GPC6: variants seen among roughly 807,000 people sequenced by gnomAD.
GPC6 encodes the protein glypican 6.
In GPC6, 14 loss-of-function variants were observed where a neutral mutation model predicts 55.2. The observed-to-expected ratio is 0.25, with a 90% CI of 0.17 to 0.40. The LOEUF (loss-of-function observed/expected upper bound fraction) is 0.40. GPC6 is among the 10% of genes least tolerant of loss of function. The pLI is 1.00. For synonymous variants in GPC6, 278 were observed against 259.6 expected (o/e 1.07, Z -0.68); for missense variants, 641 against 708.5 (o/e 0.90, Z 1.08).
At chr13:94,254,077 G>C (rs1162093089) in intron 4 of GPC6, among the ~76,000 whole-genome samples, 2 of 152,046 alleles carry the variant, frequency 1.3e-5, no homozygotes, top group African/African-American at 4.8e-5. Context: ...TGTTTACAAA[G>C]AAATAAAGAA....
intron 2 of GPC6, among the ~76,000 whole-genome samples, chr13:93,681,654 C>A (rs992696468): frequency 6.6e-5 from 10 of 152,080 alleles, no homozygotes; most frequent in Admixed American, 2.6e-4. Flanking sequence ...GGTTATTTAT[C>A]ATAGCAATTT....
intron 1 of GPC6, among the ~76,000 whole-genome samples, chr13:93,302,621 A>G (rs1215840325): frequency 1.3e-5 from 2 of 152,240 alleles, no homozygotes; most frequent in Non-Finnish European, 2.9e-5. Flanking sequence ...ACCAGGAAAC[A>G]TACATGATTG....
chr13:93,591,320 C>T (rs571492081), intron 2 of GPC6, among the ~76,000 whole-genome samples: 50 of 152,000 alleles, frequency 3.3e-4, no homozygotes, highest in Admixed American at 1.0e-3. Context: ...AAAAATTAGC[C>T]GGGCATGGTG....
intron 3 of GPC6, among the ~76,000 whole-genome samples, chr13:93,878,916 T>C (rs1182095249): frequency 6.6e-6 from 1 of 152,020 alleles, no homozygotes; most frequent in African/African-American, 2.4e-5. Context: ...TAAAGATATA[T>C]TTAGAAGAGC....
chr13:93,420,422 G>C (rs1399620116), intron 1 of GPC6, among the ~76,000 whole-genome samples: 1 of 152,102 alleles, frequency 6.6e-6, no homozygotes, highest in East Asian at 1.9e-4. Context: ...AAAGCAGAAG[G>C]AATGGAAAAT....
At chr13:93,922,226 T>C (rs1437613130) in intron 3 of GPC6, among the ~76,000 whole-genome samples, 1 of 152,154 alleles carries the variant, frequency 6.6e-6, no homozygotes, top group East Asian at 1.9e-4. Context: ...TCCTTGATTC[T>C]ATCTCGTTGG....
At chr13:93,477,059 AG>A (rs1879327059) in intron 1 of GPC6, among the ~76,000 whole-genome samples, 1 of 152,180 alleles carries the variant, frequency 6.6e-6, no homozygotes, top group Non-Finnish European at 1.5e-5. Context: ...TTCTGAGGAA[AG>A]TTTTGATGAA....
chr13:93,838,502 A>G (rs972662670), intron 3 of GPC6, among the ~76,000 whole-genome samples: 9 of 152,230 alleles, frequency 5.9e-5, no homozygotes, highest in African/African-American at 2.2e-4. Flanking sequence ...GATTTGAACC[A>G]TATCATTTGG....
At position 94,294,038 on chromosome 13, in the gene GPC6, T is replaced by G. The variant is rs965752426; in HGVS notation, c.1008+7559T>G. On this transcript the variant is annotated intron_variant, in intron 5 of 8. Coordinates refer to ENST00000377047, the MANE Select transcript of GPC6 (RefSeq NM_005708.5). ...CAAAGGCAGGGAAGAGCCTTCATTA[T>G]TCCACTATCTTCCACAACCGCAGTT... Among the ~76,000 whole-genome samples, 3 of 152,298 alleles carry G rather than the reference T, an allele frequency of 2.0e-5. No homozygotes were observed. In the South Asian group the frequency reaches 6.2e-4, roughly 32 times the overall value.
intron 3 of GPC6, among the ~76,000 whole-genome samples, chr13:93,989,884 A>G (rs1318711853): frequency 6.8e-6 from 1 of 147,924 alleles, no homozygotes. Flanking sequence ...AACTTTATAT[A>G]TGTATATATG....
intron 3 of GPC6, among the ~76,000 whole-genome samples, chr13:94,021,794 C>G (rs1001221445): frequency 6.6e-6 from 1 of 151,878 alleles, no homozygotes; most frequent in Non-Finnish European, 1.5e-5. Context: ...TATACACAAG[C>G]AGAAAATTAA....
intron 6 of GPC6, among the ~76,000 whole-genome samples, chr13:94,317,982 T>C (rs1876624967): frequency 1.3e-5 from 2 of 152,200 alleles, no homozygotes; most frequent in Non-Finnish European, 2.9e-5. Flanking sequence ...AGCCAAAGAA[T>C]GCTATTTTTA....
intron 3 of GPC6, among the ~76,000 whole-genome samples, chr13:93,843,952 C>T (rs1888061298): frequency 6.6e-6 from 1 of 151,856 alleles, no homozygotes; most frequent in Non-Finnish European, 1.5e-5. Context: ...AAAAATAATG[C>T]TTCAAAAATA....
intron 2 of GPC6, among the ~76,000 whole-genome samples, chr13:93,581,651 C>T (rs56927879): frequency 5.9e-5 from 9 of 152,140 alleles, no homozygotes; most frequent in Admixed American, 2.6e-4. Context: ...TCGCAGTGAG[C>T]GAAGATTGCG....
intron 1 of GPC6, among the ~76,000 whole-genome samples, chr13:93,498,363 G>A (rs1200920930): frequency 1.3e-5 from 2 of 152,154 alleles, no homozygotes; most frequent in African/African-American, 2.4e-5. Context: ...AATTGAGGGT[G>A]AACTGTCTGA....
At chr13:94,263,886 G>T (rs961957366) in intron 4 of GPC6, among the ~76,000 whole-genome samples, 6 of 152,182 alleles carry the variant, frequency 3.9e-5, no homozygotes, top group African/African-American at 1.2e-4. Context: ...GACACAGGTG[G>T]AAGATGAATA....
rs565816870 is a variant in GPC6 at position 93,545,428 on chromosome 13, G to A, written c.319+7G>A. Reference sequence around the variant, plus strand: ...AGGCATAAGAAATTTGACGGTAGGTGAAATGGTTTTCACTTCAGTTTGTTA... The same window carrying A: ...AGGCATAAGAAATTTGACGGTAGGTAAAATGGTTTTCACTTCAGTTTGTTA... On this transcript the variant is annotated splice_region_variant and intron_variant, in intron 2 of 8. Transcript: ENST00000377047. 6.2e-7 allele frequency: 1 copy of A among 1,611,898 alleles called. No homozygotes were observed. Among genetic ancestry groups the A allele is most frequent in the East Asian group, 2.2e-5 (1 of 44,852 alleles).
chr13:93,832,013 C>T (rs1398620525), intron 3 of GPC6, among the ~76,000 whole-genome samples: 1 of 134,406 alleles, frequency 7.4e-6, no homozygotes, highest in East Asian at 2.3e-4. Flanking sequence ...TGGCATGAAC[C>T]TGGGAGGCGG....
chr13:93,752,535 G>A (rs1336182686), intron 2 of GPC6, among the ~76,000 whole-genome samples: 1 of 151,984 alleles, frequency 6.6e-6, no homozygotes, highest in Non-Finnish European at 1.5e-5. Context: ...TATAATTTTA[G>A]CTATTGAATA....
Sources: allele counts gnomAD v4.1 joint callset (sites outside exome capture counted in the v4.1 genomes callset), GRCh38; gene constraint gnomAD v4.1.1; transcripts MANE v1.5; gene names NCBI Gene and HGNC (gene_info 2026-07-23, HGNC 2026-07-21).